Variants in ADGRL1 observed in about 807,000 individuals in gnomAD.
ADGRL1 encodes CIRL-1.
Under a neutral mutation model 148.9 loss-of-function variants are expected in ADGRL1, and 31 were observed. The ratio of observed to expected loss-of-function variants is 0.21; its 90% CI spans 0.16 to 0.28. ADGRL1 has a LOEUF of 0.28. Ranked by LOEUF, ADGRL1 falls within the 10% of genes least tolerant of loss-of-function variation. The pLI is 1.00. For synonymous variants in ADGRL1, 937 were observed against 900.3 expected, an observed-to-expected ratio of 1.04 and a Z score of -0.73; for missense variants, 1,521 against 2,058.8, an observed-to-expected ratio of 0.74 and a Z score of 5.05.
intron 1 of ADGRL1, among the ~76,000 whole-genome samples, chr19:14,188,930 C>T (rs911892466): frequency 3.9e-5 from 6 of 151,952 alleles, no homozygotes; most frequent in Non-Finnish European, 5.9e-5. Context: ...CCCACCACCA[C>T]GAGCAGACAC....
At chr19:14,170,518 G>A (rs746023822) in intron 4 of ADGRL1, 164 bp downstream of exon 4, 30 of 565,644 alleles carry the variant, frequency 5.3e-5, no homozygotes, top group Non-Finnish European at 8.7e-5. Flanking sequence ...TGTGGACACT[G>A]GTGTCTGGGA....
chr19:14,166,574 G>A (rs1366561512), intron 4 of ADGRL1, among the ~76,000 whole-genome samples: 1 of 148,810 alleles, frequency 6.7e-6, no homozygotes, highest in Non-Finnish European at 1.5e-5. Context: ...GAGAGAGAGA[G>A]AGAGAGAAAG....
rs770099700 is a variant in ADGRL1 at position 14,204,144 on chromosome 19, C to G, written c.-96+1841G>C. Among the ~76,000 whole-genome samples the G allele has an allele frequency of 1.4e-4, 21 of 152,278 alleles. No homozygotes were observed. In the South Asian group the frequency reaches 2.1e-3, roughly 15 times the overall value. On this transcript the variant is annotated intron_variant, in intron 1 of 22. Coordinates refer to ENST00000361434, the MANE Select transcript of ADGRL1 (RefSeq NM_014921.5). ...GGCAAGTCAGTTCTGAACGGCATGG[C>G]AGACAAATTGCTAGTTAGGAAAATC...
At position 14,152,492 on chromosome 19, in the gene ADGRL1, C is replaced by T; in HGVS notation, c.3520+25G>A. ...GCCGGGAGCCTCCAGAGACTGAAGC[C>T]AGAGGCAGAAGGATGCCTTCTCACC... On this transcript the variant is annotated intron_variant, in intron 20 of 22. Coordinates refer to ENST00000361434, the MANE Select transcript of ADGRL1 (RefSeq NM_014921.5). This position sits in a 1 kb window ranked among gnomAD's most constrained non-coding sequence, Gnocchi z 6.1. 2 of 1,612,610 alleles carry T rather than the reference C, an allele frequency of 1.2e-6. No individual in the cohort carries two copies. Among genetic ancestry groups the T allele is most frequent in the Non-Finnish European group, 8.5e-7 (1 of 1,178,778 alleles).
chr19:14,182,246 T>G (rs1160934482), intron 2 of ADGRL1, among the ~76,000 whole-genome samples: 4 of 152,226 alleles, frequency 2.6e-5, no homozygotes, highest in Non-Finnish European at 5.9e-5. Context: ...CTAATTATTG[T>G]TATTATGAAT....
In ADGRL1 at chr19:14,182,460, G is replaced by A. The variant is rs1029618613; in HGVS notation, c.70+1073C>T. Among the ~76,000 whole-genome samples the A allele has an allele frequency of 5.3e-5, 8 of 152,282 alleles. No individual in the cohort carries two copies. In the South Asian group the frequency reaches 8.3e-4, roughly 16 times the overall value. ...GTGACCACCTGCTGTACGAGGTTTC[G>A]GGAGGGCACTCGTGCGGGACGGTGA... On this transcript the variant is annotated intron_variant, in intron 2 of 22. Coordinates refer to ENST00000361434, the MANE Select transcript of ADGRL1 (RefSeq NM_014921.5).
intron 1 of ADGRL1, among the ~76,000 whole-genome samples, chr19:14,188,134 A>G (rs183297411): frequency 6.6e-5 from 10 of 152,208 alleles, no homozygotes; most frequent in African/African-American, 2.2e-4. Context: ...CAGGGAAGCC[A>G]CTCGATGCCA....
At chr19:14,178,280 A>C (rs1970955773) in intron 2 of ADGRL1, among the ~76,000 whole-genome samples, 1 of 152,128 alleles carries the variant, frequency 6.6e-6, no homozygotes, top group Non-Finnish European at 1.5e-5. Context: ...AGAGGTGGGC[A>C]AATCGCCTGA....
chr19:14,178,254 C>T (rs1189584341), intron 2 of ADGRL1, among the ~76,000 whole-genome samples: 3 of 152,128 alleles, frequency 2.0e-5, no homozygotes, highest in African/African-American at 4.8e-5. Context: ...CTTGTAACCC[C>T]AGCATTTTGG....
chr19:14,180,253 T>C (rs1971096478), intron 2 of ADGRL1, among the ~76,000 whole-genome samples: 1 of 152,046 alleles, frequency 6.6e-6, no homozygotes, highest in South Asian at 2.1e-4. Context: ...CCTCTTCCCT[T>C]GCCTGACTTC....
intron 3 of ADGRL1, among the ~76,000 whole-genome samples, chr19:14,171,915 G>T (rs1970497810): frequency 6.6e-6 from 1 of 152,222 alleles, no homozygotes; most frequent in Non-Finnish European, 1.5e-5. Context: ...GCAGGACACG[G>T]GCATGCAGGA....
Position 14,157,588 on chromosome 19 carries a change from G to T in ADGRL1, c.2536-128C>A. ...TGAGGACCTCTGGTGCCGCCAACCT[G>T]GCAGCCCTCACCCCTCTGCACGCAG... is the stretch of plus-strand genomic sequence containing the variant. On this transcript the variant is annotated intron_variant, in intron 13 of 22. Transcript: ENST00000361434. The surrounding 1 kb of genome is among the most constrained non-coding windows in gnomAD (Gnocchi z 7.5). 1 of 922,246 alleles carries T rather than the reference G, an allele frequency of 1.1e-6. No individual in the cohort carries two copies. The highest frequency in any genetic ancestry group is 1.7e-6 in the Non-Finnish European group (1 of 599,858). The allele number at this position is 922,246 out of a possible 1,614,324, so 57.1% of individuals were successfully genotyped here. A position where few individuals can be genotyped will look rare whatever the true frequency, so the allele number is the denominator to read the frequency against.
chr19:14,205,382 C>A (rs993351827), intron 1 of ADGRL1, among the ~76,000 whole-genome samples: 2 of 151,698 alleles, frequency 1.3e-5, no homozygotes, highest in Non-Finnish European at 2.9e-5. Context: ...GACAGCGGCG[C>A]CCCCCGGACT....
rs576796302 is a variant in ADGRL1 at position 14,161,109 on chromosome 19, C to T, written c.1510+203G>A. ...AGGCCGGGAGCCAGGTCACCTCCTG[C>T]GGACTCCCTGCAGGTTCTGCAGGTG... On this transcript the variant is annotated intron_variant, in intron 6 of 22. Transcript: ENST00000361434. The surrounding 1 kb of genome is among the most constrained non-coding windows in gnomAD (Gnocchi z 4.4). Among the ~76,000 whole-genome samples the T allele has an allele frequency of 1.2e-4, 18 of 152,322 alleles. No homozygotes were observed. The highest frequency in any genetic ancestry group is 4.1e-4 in the South Asian group (2 of 4,828).
intron 3 of ADGRL1, among the ~76,000 whole-genome samples, chr19:14,176,146 C>G (rs772095837): frequency 1.3e-5 from 2 of 151,796 alleles, no homozygotes; most frequent in African/African-American, 2.4e-5. Context: ...GTCAAGAGAT[C>G]GAGACCATCC....
chr19:14,160,717 G>A lies in ADGRL1; in HGVS notation c.1511-21C>T, dbSNP rs745501440. 2.1e-6 allele frequency: 3 copies of A among 1,438,880 alleles called. No individual in the cohort carries two copies. The highest frequency in any genetic ancestry group is 2.3e-5 in the East Asian group (1 of 43,960). The allele number at this position is 1,438,880 out of a possible 1,614,324, so 89.1% of individuals were successfully genotyped here. The stretch of plus-strand genomic sequence containing the variant: ...AATTCCTGCAGGGACAGACAGACAG[G>A]AACAGACAAGGGAGCCAAAGGGAAG... On this transcript the variant is annotated intron_variant, in intron 6 of 22. Coordinates refer to ENST00000361434, the MANE Select transcript of ADGRL1 (RefSeq NM_014921.5). The surrounding 1 kb of genome is among the most constrained non-coding windows in gnomAD (Gnocchi z 5.9).
Position 14,183,658 on chromosome 19 carries a change from C to A in ADGRL1, c.-56G>T. 6.8e-7 allele frequency: 1 copy of A among 1,463,390 alleles called. No homozygotes were observed. Among genetic ancestry groups the A allele is most frequent in the Non-Finnish European group, 9.3e-7 (1 of 1,073,992 alleles). 90.7% of individuals were successfully genotyped at this position (1,463,390 alleles called of 1,614,324 possible). A position where few individuals can be genotyped will look rare whatever the true frequency, so the allele number is the denominator to read the frequency against. ...CAGTGGCCTGTGCGGGGGGCTTTGCCCCACATCACCTGGCAGGCACCACGG... is the reference window on the plus strand; with the variant it reads ...CAGTGGCCTGTGCGGGGGGCTTTGCACCACATCACCTGGCAGGCACCACGG... On this transcript the variant is annotated 5_prime_UTR_variant, in exon 2 of 23. Coordinates refer to ENST00000361434, the MANE Select transcript of ADGRL1 (RefSeq NM_014921.5).
intron 4 of ADGRL1, chr19:14,167,142 G>A (rs1970050847): frequency 3.2e-6 from 3 of 950,992 alleles, no homozygotes; most frequent in African/African-American, 1.6e-5. Flanking sequence ...CTGGCAACAC[G>A]CCCCCTTTTC....
intron 1 of ADGRL1, among the ~76,000 whole-genome samples, chr19:14,192,564 G>A (rs1339840488): frequency 6.6e-6 from 1 of 150,400 alleles, no homozygotes; most frequent in Non-Finnish European, 1.5e-5. Flanking sequence ...GTTTTGAGAC[G>A]GAGTCTTGCT....
Sources: allele counts gnomAD v4.1 joint callset (sites outside exome capture counted in the v4.1 genomes callset), GRCh38; gene constraint gnomAD v4.1.1; non-coding constraint Gnocchi (gnomAD v3.1); transcripts MANE v1.5; gene names NCBI Gene and HGNC (gene_info 2026-07-23, HGNC 2026-07-21).